The following PLCL1 variants were observed in gnomAD, a reference collection of about 807,000 sequenced individuals.
The protein encoded by PLCL1 is inactive phospholipase C-like protein 1.
PLCL1 carries 41 observed loss-of-function variants against 84.4 expected under a neutral mutation model. That is an observed-to-expected ratio of 0.49 (90% CI 0.38 to 0.63). The LOEUF (loss-of-function observed/expected upper bound fraction) is 0.63, where lower values mean the gene tolerates loss of function less well. Among genes scored for constraint, PLCL1 ranks in the 30% least tolerant of loss-of-function variants. The pLI, the probability that PLCL1 is intolerant of heterozygous loss-of-function variation, is 0.00. For synonymous variants in PLCL1, 490 were observed against 488.3 expected (o/e 1.00, Z -0.05); for missense variants, 1,206 against 1,367.8 (o/e 0.88, Z 1.87).
In PLCL1 at chr2:198,085,340, A is replaced by T. The variant is rs1273545368; in HGVS notation, c.1823A>T (p.Asn608Ile). The part of the protein sequence containing the change: ...RDFELSMKSQ[N>I]YWEMCSFSET... Reference sequence around the variant, plus strand: ...TTTGAACTATCTATGAAAAGCCAAAACTATTGGGAAATGTGTTCATTTAGT... The same window carrying T: ...TTTGAACTATCTATGAAAAGCCAAATCTATTGGGAAATGTGTTCATTTAGT... Residue 608 changes from asparagine (N) to isoleucine (I), a missense_variant, in exon 2 of 6, where the codon AAC becomes ATC. Transcript: ENST00000428675. This position sits in a 1 kb window ranked among gnomAD's most constrained non-coding sequence, Gnocchi z 5.3. 4 of 1,613,180 alleles carry T rather than the reference A, an allele frequency of 2.5e-6. No individual in the cohort carries two copies. In the African/African-American group the frequency reaches 5.3e-5, roughly 22 times the overall value.
At chr2:198,110,294 G>A (rs1168746733) in intron 5 of PLCL1, among the ~76,000 whole-genome samples, 1 of 151,766 alleles carries the variant, frequency 6.6e-6, no homozygotes, top group Non-Finnish European at 1.5e-5. Context: ...CACTACTTAA[G>A]CCTTTGCTCC....
chr2:198,108,172 C>T (rs559763028), intron 5 of PLCL1, among the ~76,000 whole-genome samples: 1 of 151,974 alleles, frequency 6.6e-6, no homozygotes, highest in East Asian at 1.9e-4. Flanking sequence ...AATAAATGCT[C>T]TTTGTTTATA....
intron 1 of PLCL1, among the ~76,000 whole-genome samples, chr2:198,030,614 A>G (rs1434183577): frequency 1.3e-5 from 2 of 152,160 alleles, no homozygotes; most frequent in Non-Finnish European, 2.9e-5. Flanking sequence ...GGCACTCACT[A>G]TGTGCCTGAA....
At chr2:197,936,922 A>G (rs1689065938) in intron 1 of PLCL1, among the ~76,000 whole-genome samples, 1 of 152,102 alleles carries the variant, frequency 6.6e-6, no homozygotes, top group Admixed American at 6.6e-5. Context: ...CAGGTCCTAT[A>G]TTTAAGTCTT....
At chr2:197,996,280 T>C (rs1456970946) in intron 1 of PLCL1, among the ~76,000 whole-genome samples, 1 of 151,960 alleles carries the variant, frequency 6.6e-6, no homozygotes, top group Non-Finnish European at 1.5e-5. Flanking sequence ...CACAGAGAGA[T>C]GAGAGGGCTA....
At chr2:198,028,273 A>G (rs963806795) in intron 1 of PLCL1, among the ~76,000 whole-genome samples, 1 of 152,206 alleles carries the variant, frequency 6.6e-6, no homozygotes, top group African/African-American at 2.4e-5. Flanking sequence ...ATCAATTGTT[A>G]TTATGTAATG....
chr2:197,955,619 A>G (rs1458888476), intron 1 of PLCL1, among the ~76,000 whole-genome samples: 1 of 151,310 alleles, frequency 6.6e-6, no homozygotes, highest in Non-Finnish European at 1.5e-5. Flanking sequence ...ACTCCCACTT[A>G]TGAGTGAGAA....
rs147258901 is a variant in PLCL1, at chr2:197,970,728, T to G, written c.241-113030T>G. ...ACTACAAGCTTATTGAAGACAAGAGTTGTATCCGTTTTACCTTTTTTTCCC... is the reference window on the plus strand; with the variant it reads ...ACTACAAGCTTATTGAAGACAAGAGGTGTATCCGTTTTACCTTTTTTTCCC... On this transcript the variant is annotated intron_variant, in intron 1 of 5. Coordinates refer to ENST00000428675, the MANE Select transcript of PLCL1 (RefSeq NM_006226.4). Among the ~76,000 whole-genome samples, 671 of 152,298 alleles carry G rather than the reference T, an allele frequency of 4.4e-3. 5 individuals are homozygous for G. Among genetic ancestry groups the G allele is most frequent in the African/African-American group, 0.015 (644 of 41,570 alleles).
chr2:198,105,416 T>C (rs1693449801), intron 5 of PLCL1, among the ~76,000 whole-genome samples: 1 of 152,032 alleles, frequency 6.6e-6, no homozygotes, highest in Admixed American at 6.6e-5. Context: ...TTGATTACTG[T>C]AGCCTTGTAG....
At chr2:198,049,690 T>A (rs1263253317) in intron 1 of PLCL1, among the ~76,000 whole-genome samples, 19 of 152,216 alleles carry the variant, frequency 1.2e-4, no homozygotes, top group Admixed American at 1.2e-3. Flanking sequence ...AGAAGTGCTG[T>A]AAATCATAGC....
At position 197,950,669 on chromosome 2, in the gene PLCL1, A is replaced by G. The variant is rs577614312; in HGVS notation, c.241-133089A>G. Among the ~76,000 whole-genome samples, 463 of 152,282 alleles carry G rather than the reference A, an allele frequency of 3.0e-3. 2 individuals carry two copies. The highest frequency in any genetic ancestry group is 9.9e-3 in the African/African-American group (410 of 41,556). Reference sequence around the variant, plus strand: ...ACACATGTTTTTGGAGGAAATATTTACAATTGCTAATATAATAGAATTAAA... The same window carrying G: ...ACACATGTTTTTGGAGGAAATATTTGCAATTGCTAATATAATAGAATTAAA... On this transcript the variant is annotated intron_variant, in intron 1 of 5. Coordinates refer to ENST00000428675, the MANE Select transcript of PLCL1 (RefSeq NM_006226.4).
chr2:197,974,025 T>A lies in PLCL1; in HGVS notation c.241-109733T>A, dbSNP rs183739248. Among the ~76,000 whole-genome samples the A allele has an allele frequency of 5.9e-5, 9 of 152,284 alleles. No homozygotes were observed. In the East Asian group the frequency reaches 1.5e-3, roughly 26 times the overall value. Reference sequence around the variant, plus strand: ...GGAGAGAAGTGTCATGGCTTTGGGATGTATTTCAGAGTAGAGCTCACAGGA... The same window carrying A: ...GGAGAGAAGTGTCATGGCTTTGGGAAGTATTTCAGAGTAGAGCTCACAGGA... On this transcript the variant is annotated intron_variant, in intron 1 of 5. Coordinates refer to ENST00000428675, the MANE Select transcript of PLCL1 (RefSeq NM_006226.4).
At chr2:197,818,135 A>C (rs1690730164) in intron 1 of PLCL1, among the ~76,000 whole-genome samples, 1 of 152,092 alleles carries the variant, frequency 6.6e-6, no homozygotes, top group African/African-American at 2.4e-5. Flanking sequence ...TCATGGTGGC[A>C]CCTTCAGTAT....
intron 1 of PLCL1, among the ~76,000 whole-genome samples, chr2:197,987,796 T>C (rs147159099): frequency 1.3e-5 from 2 of 152,368 alleles, no homozygotes; most frequent in East Asian, 3.9e-4. Context: ...TTTATATTTA[T>C]GCCATATTAG....
intron 1 of PLCL1, among the ~76,000 whole-genome samples, chr2:197,998,415 T>A (rs1029057555): frequency 6.6e-6 from 1 of 152,028 alleles, no homozygotes; most frequent in Non-Finnish European, 1.5e-5. Flanking sequence ...GTGAGGGGTG[T>A]GTGTAGGGAG....
intron 1 of PLCL1, among the ~76,000 whole-genome samples, chr2:197,958,839 A>T (rs747163109): frequency 2.0e-5 from 3 of 152,094 alleles, no homozygotes; most frequent in Non-Finnish European, 2.9e-5. Context: ...GGCCACTCAC[A>T]TATCTAGTAA....
chr2:198,119,416 G>A (rs780090204), intron 5 of PLCL1, among the ~76,000 whole-genome samples: 2 of 151,946 alleles, frequency 1.3e-5, no homozygotes, highest in Non-Finnish European at 2.9e-5. Context: ...TGGGGGCTTT[G>A]CTTACCTCCG....
intron 1 of PLCL1, among the ~76,000 whole-genome samples, chr2:197,963,799 C>A (rs1029862060): frequency 6.6e-6 from 1 of 152,032 alleles, no homozygotes; most frequent in Non-Finnish European, 1.5e-5. Flanking sequence ...CATTCTTCTG[C>A]ATGTGGATGG....
intron 5 of PLCL1, among the ~76,000 whole-genome samples, chr2:198,123,310 C>T (rs942466659): frequency 2.0e-5 from 3 of 152,020 alleles, no homozygotes; most frequent in African/African-American, 7.2e-5. Context: ...GAGGGGTTGA[C>T]TGTTATGGAC....
Sources: gnomAD v4.1 joint callset for allele counts (sites outside exome capture counted in the v4.1 genomes callset) on GRCh38, gnomAD v4.1.1 for gene constraint, Gnocchi (gnomAD v3.1) non-coding constraint, MANE v1.5 for transcripts, NCBI Gene and HGNC (gene_info 2026-07-23, HGNC 2026-07-21) for gene names.